Variants in SUCLG2 observed in about 807,000 individuals in gnomAD.
The protein encoded by SUCLG2 is succinate--CoA ligase [GDP-forming] subunit beta, mitochondrial.
In SUCLG2, 42 loss-of-function variants were observed where a neutral mutation model predicts 47.9. The ratio of observed to expected loss-of-function variants is 0.88; its 90% confidence interval spans 0.69 to 1.14. The LOEUF (loss-of-function observed/expected upper bound fraction) is 1.14. Among genes scored for constraint, SUCLG2 ranks in the 50% most tolerant of loss-of-function variants. SUCLG2 has a pLI of 0.00. For synonymous variants in SUCLG2, 195 were observed against 197.3 expected, an observed-to-expected ratio of 0.99 and a Z score of 0.10; for missense variants, 571 against 525.9, an observed-to-expected ratio of 1.09 and a Z score of -0.84.
chr3:67,588,356 T>G (rs1308964908), intron 2 of SUCLG2, among the ~76,000 whole-genome samples: 1 of 152,176 alleles, frequency 6.6e-6, no homozygotes, highest in Non-Finnish European at 1.5e-5. Context: ...CAATCAAGAA[T>G]TAATCAGTAA....
intron 10 of SUCLG2, among the ~76,000 whole-genome samples, chr3:67,386,909 T>C (rs937214565): frequency 2.0e-5 from 3 of 152,174 alleles, no homozygotes; most frequent in African/African-American, 7.2e-5. Context: ...TCTGCTGGTG[T>C]ACCCCCATCC....
At chr3:67,547,711 C>A (rs1575769758) in intron 2 of SUCLG2, among the ~76,000 whole-genome samples, 1 of 152,078 alleles carries the variant, frequency 6.6e-6, no homozygotes, top group East Asian at 1.9e-4. Flanking sequence ...GCAAAGGGAA[C>A]AATTTTCACG....
At position 67,503,905 on chromosome 3, in the gene SUCLG2, G is replaced by A. The variant is rs543463753; in HGVS notation, c.757+4902C>T. On this transcript the variant is annotated intron_variant, in intron 7 of 10. Transcript: ENST00000307227. ...CGATAGAAAACATGACTGGCAGTTA[G>A]AGGCCTCTGACCCTAGAATTTTAAC... Among the ~76,000 whole-genome samples, 53 of 152,270 alleles carry A rather than the reference G, an allele frequency of 3.5e-4. No individual in the cohort carries two copies. In the South Asian group the frequency reaches 0.011, roughly 31 times the overall value.
chr3:67,458,924 A>C (rs1704257948), intron 9 of SUCLG2, among the ~76,000 whole-genome samples: 1 of 152,252 alleles, frequency 6.6e-6, no homozygotes, highest in African/African-American at 2.4e-5. Flanking sequence ...GTCTTCCAAC[A>C]AGAAAAACAC....
At chr3:67,642,831 G>A (rs1701124235) in intron 1 of SUCLG2, among the ~76,000 whole-genome samples, 1 of 151,946 alleles carries the variant, frequency 6.6e-6, no homozygotes, top group Admixed American at 6.6e-5. Flanking sequence ...GTACAGGCAA[G>A]TCCAGCAGAA....
chr3:67,519,745 CA>C (rs1706045010), intron 5 of SUCLG2, among the ~76,000 whole-genome samples: 1 of 152,122 alleles, frequency 6.6e-6, no homozygotes, highest in African/African-American at 2.4e-5. Flanking sequence ...TTAAAAACTT[CA>C]ATTTTAGTTC....
chr3:67,553,504 T>C (rs964823201), intron 2 of SUCLG2, among the ~76,000 whole-genome samples: 2 of 152,224 alleles, frequency 1.3e-5, no homozygotes, highest in African/African-American at 4.8e-5. Flanking sequence ...CTTAAATAAT[T>C]CAAGTTAGAT....
chr3:67,545,432 T>C (rs980202785), intron 2 of SUCLG2, among the ~76,000 whole-genome samples: 6 of 152,226 alleles, frequency 3.9e-5, no homozygotes, highest in Non-Finnish European at 7.3e-5. Flanking sequence ...ATAACTGTTA[T>C]GCTGCTTTCA....
chr3:67,468,220 C>G lies in SUCLG2; in HGVS notation c.1062+27578G>C, dbSNP rs149046806. 2.4e-3 allele frequency among the ~76,000 whole-genome samples: 367 copies of G among 152,300 alleles called. 1 individual carries two copies. The highest frequency in any genetic ancestry group is 4.7e-3 in the Non-Finnish European group (317 of 68,028). ...AGTTAGGAATTTGCCAAAAAATTAT[C>G]AGCACCTATTAGGTGCCAATATAGT... On this transcript the variant is annotated intron_variant, in intron 9 of 10. Coordinates refer to ENST00000307227, the MANE Select transcript of SUCLG2 (RefSeq NM_003848.4).
intron 2 of SUCLG2, among the ~76,000 whole-genome samples, chr3:67,605,097 A>C: frequency 6.6e-6 from 1 of 152,098 alleles, no homozygotes; most frequent in East Asian, 1.9e-4. Context: ...CTTATATAGA[A>C]CTTTCTCAGT....
At chr3:67,386,907 T>G (rs1277302341) in intron 10 of SUCLG2, among the ~76,000 whole-genome samples, 1 of 152,180 alleles carries the variant, frequency 6.6e-6, no homozygotes, top group African/African-American at 2.4e-5. Flanking sequence ...ACTCTGCTGG[T>G]GTACCCCCAT....
intron 2 of SUCLG2, among the ~76,000 whole-genome samples, chr3:67,596,066 GATGAAC>G (rs1708286009): frequency 6.6e-6 from 1 of 152,214 alleles, no homozygotes. Context: ...AGGCTTGGTT[GATGAAC>G]ATCCAACCTC....
chr3:67,641,793 T>C (rs1701106324), intron 1 of SUCLG2, among the ~76,000 whole-genome samples: 1 of 152,100 alleles, frequency 6.6e-6, no homozygotes, highest in African/African-American at 2.4e-5. Context: ...TTAGGAGGCT[T>C]AAAGTCTGAG....
intron 9 of SUCLG2, among the ~76,000 whole-genome samples, chr3:67,491,427 C>G (rs1240086114): frequency 6.7e-6 from 1 of 148,286 alleles, no homozygotes; most frequent in East Asian, 2.0e-4. Flanking sequence ...TGCAATGGCA[C>G]AATCTCGGCT....
chr3:67,523,083 G>A (rs909531424), intron 4 of SUCLG2, among the ~76,000 whole-genome samples: 2 of 152,002 alleles, frequency 1.3e-5, no homozygotes, highest in Non-Finnish European at 2.9e-5. Context: ...CAACGCACCC[G>A]GCCACATTGC....
intron 9 of SUCLG2, among the ~76,000 whole-genome samples, chr3:67,456,579 A>G (rs1365970442): frequency 6.6e-6 from 1 of 152,222 alleles, no homozygotes; most frequent in African/African-American, 2.4e-5. Context: ...AAACAAGGGT[A>G]TGGTAATTTC....
chr3:67,454,219 C>T (rs1704125846), intron 9 of SUCLG2, among the ~76,000 whole-genome samples: 1 of 152,108 alleles, frequency 6.6e-6, no homozygotes, highest in Non-Finnish European at 1.5e-5. Flanking sequence ...CGAGGGACGA[C>T]ATCTTACCCA....
chr3:67,547,994 A>G (rs1344039666), intron 2 of SUCLG2, among the ~76,000 whole-genome samples: 3 of 152,240 alleles, frequency 2.0e-5, no homozygotes, highest in African/African-American at 7.2e-5. Flanking sequence ...GACCAGTACC[A>G]GGCACATAGC....
intron 2 of SUCLG2, among the ~76,000 whole-genome samples, chr3:67,606,360 A>G (rs1575811651): frequency 6.6e-6 from 1 of 152,358 alleles, no homozygotes; most frequent in East Asian, 1.9e-4. Context: ...ATTAGGTGTT[A>G]TGCCTAAGAG....
Sources: gnomAD v4.1 joint callset for allele counts (sites outside exome capture counted in the v4.1 genomes callset) on GRCh38, gnomAD v4.1.1 for gene constraint, MANE v1.5 for transcripts, NCBI Gene and HGNC (gene_info 2026-07-23, HGNC 2026-07-21) for gene names.